MOB3B: variants seen among roughly 807,000 people sequenced by gnomAD.
MOB3B encodes the protein MOB kinase activator 3B.
In MOB3B, 7 loss-of-function variants were observed where a neutral mutation model predicts 18.7. The observed-to-expected ratio is 0.37, with a 90% CI of 0.21 to 0.70. MOB3B has a LOEUF of 0.70. MOB3B is among the 30% of genes least tolerant of loss of function. The pLI is 0.52. For missense variants in MOB3B, 253 were observed against 281.3 expected (o/e 0.90, Z 0.72); for synonymous variants, 111 against 99.9 (o/e 1.11, Z -0.66).
At chr9:27,428,378 C>T (rs978549511) in intron 2 of MOB3B, among the ~76,000 whole-genome samples, 1 of 152,170 alleles carries the variant, frequency 6.6e-6, no homozygotes, top group Non-Finnish European at 1.5e-5. Context: ...TGATGCAAAT[C>T]ATGCCTGAAG....
chr9:27,403,081 G>T (rs1407177354), intron 2 of MOB3B, among the ~76,000 whole-genome samples: 2 of 152,268 alleles, frequency 1.3e-5, no homozygotes, highest in Middle Eastern at 3.4e-3. Context: ...AAAAAAGTTT[G>T]GTATCTGGCT....
In MOB3B at chr9:27,331,362, GC is replaced by G. The variant is rs576331718; in HGVS notation, c.622-747del. Reference sequence around the variant, plus strand: ...ACCTCAGGTAAGGTGACTTTTACCTGCTGGGAGACCTTCCCGCACTCCTGCC... The same window carrying G: ...ACCTCAGGTAAGGTGACTTTTACCTGTGGGAGACCTTCCCGCACTCCTGCC... On this transcript the variant is annotated intron_variant, in intron 3 of 3. Transcript: ENST00000262244. 1.2e-4 allele frequency among the ~76,000 whole-genome samples: 19 copies of G among 152,256 alleles called. No individual in the cohort carries two copies. The South Asian group carries it at 3.7e-3, about 30-fold the overall frequency.
intron 1 of MOB3B, among the ~76,000 whole-genome samples, chr9:27,470,017 G>A (rs1819446912): frequency 1.3e-5 from 2 of 150,594 alleles, no homozygotes; most frequent in South Asian, 4.2e-4. Flanking sequence ...GAGGCAGGAG[G>A]AGGATCACAT....
intron 3 of MOB3B, among the ~76,000 whole-genome samples, chr9:27,340,483 G>A (rs1820922947): frequency 6.6e-6 from 1 of 152,176 alleles, no homozygotes; most frequent in Non-Finnish European, 1.5e-5. Context: ...CACATGGTGG[G>A]TTGCCTCATA....
chr9:27,435,672 T>C (rs1822489948), intron 2 of MOB3B, among the ~76,000 whole-genome samples: 1 of 152,178 alleles, frequency 6.6e-6, no homozygotes, highest in Non-Finnish European at 1.5e-5. Flanking sequence ...CTATCTCTAC[T>C]CACTGCCACC....
intron 2 of MOB3B, among the ~76,000 whole-genome samples, chr9:27,428,481 G>A (rs1056345628): frequency 1.3e-5 from 2 of 152,210 alleles, no homozygotes; most frequent in African/African-American, 4.8e-5. Context: ...CCCAAAGGAT[G>A]AATAGGAGTT....
chr9:27,387,139 A>G (rs573156028), intron 2 of MOB3B, among the ~76,000 whole-genome samples: 1 of 152,328 alleles, frequency 6.6e-6, no homozygotes, highest in East Asian at 1.9e-4. Flanking sequence ...TGCCTCCTTT[A>G]AACAGAATGA....
chr9:27,325,783 T>G lies in MOB3B; in HGVS notation c.*4804A>C, dbSNP rs1343236652. On this transcript the variant is annotated 3_prime_UTR_variant, in exon 4 of 4. Transcript: ENST00000262244. ...TCCTCAAAGATAATGGCTATACTTT[T>G]CCCACAATCTTTTTGCTTTTGTTTT... is the stretch of plus-strand genomic sequence containing the variant. 1 of 152,180 alleles carries G rather than the reference T, an allele frequency of 6.6e-6. No individual in the cohort carries two copies. Among genetic ancestry groups the G allele is most frequent in the Non-Finnish European group, 1.5e-5 (1 of 68,024 alleles). 9.4% of individuals were successfully genotyped at this position (152,180 alleles called of 1,614,324 possible).
chr9:27,397,757 T>C (rs1349570990), intron 2 of MOB3B, among the ~76,000 whole-genome samples: 1 of 152,220 alleles, frequency 6.6e-6, no homozygotes, highest in East Asian at 1.9e-4. Flanking sequence ...TGGAATTAAC[T>C]TGCTCTTTTA....
chr9:27,520,685 C>G (rs7852782), intron 1 of MOB3B, among the ~76,000 whole-genome samples: 8,700 of 152,016 alleles, frequency 0.057, 416 homozygotes, highest in African/African-American at 0.13. Context: ...ACACTTGTTA[C>G]GGGTATGTGC....
intron 1 of MOB3B, among the ~76,000 whole-genome samples, chr9:27,514,214 C>A (rs1820193929): frequency 1.3e-5 from 2 of 151,778 alleles, no homozygotes; most frequent in African/African-American, 2.4e-5. Context: ...AGAGGATAGC[C>A]CAGTATTTAA....
At chr9:27,443,308 T>A (rs1356375866) in intron 2 of MOB3B, among the ~76,000 whole-genome samples, 1 of 152,166 alleles carries the variant, frequency 6.6e-6, no homozygotes. Flanking sequence ...CCACCAAATA[T>A]ACATCAACTC....
intron 1 of MOB3B, among the ~76,000 whole-genome samples, chr9:27,496,704 A>G (rs1819906527): frequency 6.6e-6 from 1 of 152,214 alleles, no homozygotes; most frequent in South Asian, 2.1e-4. Context: ...AGTCCAACAT[A>G]TTAGTCTTTG....
chr9:27,395,170 G>A (rs1302393806), intron 2 of MOB3B, among the ~76,000 whole-genome samples: 1 of 152,220 alleles, frequency 6.6e-6, no homozygotes, highest in Admixed American at 6.5e-5. Context: ...CTGAAGCGGG[G>A]AGATATTGAT....
chr9:27,478,369 C>G (rs917626192), intron 1 of MOB3B, among the ~76,000 whole-genome samples: 2 of 152,004 alleles, frequency 1.3e-5, no homozygotes, highest in Non-Finnish European at 2.9e-5. Context: ...AATAATCTGA[C>G]AGGATCTATA....
chr9:27,517,944 G>A (rs970154384), intron 1 of MOB3B, among the ~76,000 whole-genome samples: 5 of 152,082 alleles, frequency 3.3e-5, no homozygotes, highest in Non-Finnish European at 7.4e-5. Flanking sequence ...GATGTTGGCA[G>A]GAAGAAAAGA....
intron 2 of MOB3B, among the ~76,000 whole-genome samples, chr9:27,408,096 G>A (rs1379760334): frequency 6.6e-6 from 1 of 152,140 alleles, no homozygotes; most frequent in Non-Finnish European, 1.5e-5. Flanking sequence ...ATCTCTGGCC[G>A]AGGCTGACAC....
At chr9:27,344,494 C>T (rs1035600814) in intron 3 of MOB3B, among the ~76,000 whole-genome samples, 1 of 152,196 alleles carries the variant, frequency 6.6e-6, no homozygotes, top group Non-Finnish European at 1.5e-5. Flanking sequence ...ACACCAGTGA[C>T]ACCAAAGGGA....
intron 2 of MOB3B, among the ~76,000 whole-genome samples, chr9:27,363,033 T>C (rs1186042933): frequency 1.3e-5 from 2 of 152,156 alleles, no homozygotes; most frequent in Non-Finnish European, 2.9e-5. Flanking sequence ...TAGAACAAGA[T>C]ACAGCTTGCT....
Sources: allele counts gnomAD v4.1 joint callset (sites outside exome capture counted in the v4.1 genomes callset), GRCh38; gene constraint gnomAD v4.1.1; transcripts MANE v1.5; gene names NCBI Gene and HGNC (gene_info 2026-07-23, HGNC 2026-07-21).